Variants in PTPRS observed in about 807,000 individuals in gnomAD.
The protein encoded by PTPRS is receptor-type tyrosine-protein phosphatase S.
A neutral mutation model predicts 215.3 loss-of-function variants in PTPRS; 63 were observed. The ratio of observed to expected loss-of-function variants is 0.29; its 90% CI spans 0.24 to 0.36. The LOEUF (loss-of-function observed/expected upper bound fraction) is 0.36. PTPRS is among the 10% of genes least tolerant of loss of function. The pLI is 1.00. For missense variants in PTPRS, 2,258 were observed against 2,825.8 expected (o/e 0.80, Z 4.56); for synonymous variants, 1,404 against 1,191.4 (o/e 1.18, Z -3.68).
chr19:5,286,038 C>T lies in PTPRS; in HGVS notation c.91+12G>A. On this transcript the variant is annotated intron_variant, in intron 2 of 37. Transcript: ENST00000262963. ...CACGCAGACCCCTGCACATCCCGTG[C>T]CGGCTTCTTACCTTCTGCTGCACAG... 2 of 1,610,538 alleles carry T rather than the reference C, an allele frequency of 1.2e-6. No individual in the cohort carries two copies. Among genetic ancestry groups the T allele is most frequent in the Non-Finnish European group, 8.5e-7 (1 of 1,177,192 alleles).
rs192609280 is a variant in PTPRS, at chr19:5,339,329, G to A, written c.-95+1335C>T. ...GATTTGAGGAAGGGTTGCAGAGGAA[G>A]GGGCGTTCTTGGAAGCTGCATATTT... On this transcript the variant is annotated intron_variant, in intron 1 of 37. Transcript: ENST00000262963. The surrounding 1 kb of genome is among the most constrained non-coding windows in gnomAD (Gnocchi z 4.2). Among the ~76,000 whole-genome samples the A allele has an allele frequency of 6.6e-6, 1 of 152,248 alleles. No individual in the cohort carries two copies. Among genetic ancestry groups the A allele is most frequent in the African/African-American group, 2.4e-5 (1 of 41,550 alleles).
intron 25 of PTPRS, among the ~76,000 whole-genome samples, chr19:5,218,135 C>T (rs1162027805): frequency 6.6e-6 from 1 of 151,782 alleles, no homozygotes; most frequent in African/African-American, 2.4e-5. Context: ...TTTGTGTTTT[C>T]TCCATTTTTT....
At chr19:5,280,815 G>A (rs2047786405) in intron 2 of PTPRS, among the ~76,000 whole-genome samples, 1 of 150,954 alleles carries the variant, frequency 6.6e-6, no homozygotes. Context: ...TTTTTGAGAT[G>A]GAGTCTCGCT....
At chr19:5,297,268 T>C (rs1375077427) in intron 1 of PTPRS, among the ~76,000 whole-genome samples, 1 of 152,204 alleles carries the variant, frequency 6.6e-6, no homozygotes, top group East Asian at 1.9e-4. Context: ...AAAATAACTT[T>C]TCTTCTAATT....
At chr19:5,315,674 C>T (rs2049854383) in intron 1 of PTPRS, among the ~76,000 whole-genome samples, 1 of 145,498 alleles carries the variant, frequency 6.9e-6, no homozygotes, top group Non-Finnish European at 1.5e-5. Flanking sequence ...TAGTTTTTTG[C>T]AGAGATGGCG....
At chr19:5,266,238 G>A (rs1045284371) in intron 4 of PTPRS, among the ~76,000 whole-genome samples, 5 of 150,616 alleles carry the variant, frequency 3.3e-5, no homozygotes, top group African/African-American at 4.9e-5. Flanking sequence ...TAGCCTGGGC[G>A]ACAGAGTGAG....
At chr19:5,241,731 G>A (rs1482908991) in intron 11 of PTPRS, among the ~76,000 whole-genome samples, 1 of 152,150 alleles carries the variant, frequency 6.6e-6, no homozygotes, top group African/African-American at 2.4e-5. Flanking sequence ...AAAGGAAAGG[G>A]TCAAACACTC....
Position 5,220,134 on chromosome 19 carries a change from C to A in PTPRS, c.3570G>T (p.Arg1190=), listed in dbSNP as rs745699641. The change falls in exon 22 of 38, where the codon CGG becomes CGT. Residue 1190 remains arginine, a synonymous_variant. Transcript: ENST00000262963. ...DLEELIQDIS[R]LQRRSLRHSR... is the part of the protein sequence containing the mutation. Reference sequence around the variant, plus strand: ...AGTGCCGCAGGCTGCGCCTCTGTAGCCGTGAGATGTCCTGGATGAGCTGCG... The same window carrying A: ...AGTGCCGCAGGCTGCGCCTCTGTAGACGTGAGATGTCCTGGATGAGCTGCG... The A allele has an allele frequency of 5.0e-6, 8 of 1,612,278 alleles. No individual in the cohort carries two copies.
At chr19:5,309,955 C>G (rs1043261806) in intron 1 of PTPRS, among the ~76,000 whole-genome samples, 1 of 152,206 alleles carries the variant, frequency 6.6e-6, no homozygotes, top group Non-Finnish European at 1.5e-5. Flanking sequence ...TGCCCATAGC[C>G]CTCCCTGGCT....
chr19:5,331,661 G>A (rs182908517), intron 1 of PTPRS, among the ~76,000 whole-genome samples: 123 of 152,186 alleles, frequency 8.1e-4, no homozygotes, highest in African/African-American at 1.8e-3. Context: ...TACACTCAAC[G>A]AGTAATACTG....
chr19:5,212,497 G>C lies in PTPRS; in HGVS notation c.4615-6C>G. 6.3e-7 allele frequency: 1 copy of C among 1,582,124 alleles called. No individual in the cohort carries two copies. The highest frequency in any genetic ancestry group is 8.6e-7 in the Non-Finnish European group (1 of 1,162,696). ...CGTTTCTCACTGGAGCCATTCTGGG[G>C]ACCACAAGGATGTCACCTGTCACTC... On this transcript the variant is annotated splice_region_variant and splice_polypyrimidine_tract_variant and intron_variant, in intron 30 of 37. Transcript: ENST00000262963.
chr19:5,300,947 A>G (rs959840729), intron 1 of PTPRS, among the ~76,000 whole-genome samples: 2 of 152,224 alleles, frequency 1.3e-5, no homozygotes, highest in Admixed American at 6.5e-5. Context: ...CTGCAGCCAC[A>G]GTACCCTGGC....
chr19:5,315,830 T>C (rs987844775), intron 1 of PTPRS, among the ~76,000 whole-genome samples: 1 of 150,592 alleles, frequency 6.6e-6, no homozygotes, highest in Non-Finnish European at 1.5e-5. Context: ...GGGGTCTTGC[T>C]ATGCTGCCCT....
intron 4 of PTPRS, among the ~76,000 whole-genome samples, chr19:5,269,618 G>C (rs796686961): frequency 1.1e-4 from 17 of 152,180 alleles, no homozygotes; most frequent in African/African-American, 4.1e-4. Context: ...GGCAGCCGGA[G>C]AGGAGAGAGA....
rs1412506120 is a variant in PTPRS at position 5,221,321 on chromosome 19, G to C, written c.3202-68C>G. ...CCCATGGACTGAGCCCCAGCTCCAG[G>C]ATGAGTCCCCCACCCTGACTGAGCC... On this transcript the variant is annotated intron_variant, in intron 19 of 37. Transcript: ENST00000262963. 2.6e-6 allele frequency: 4 copies of C among 1,548,862 alleles called. No homozygotes were observed. In the African/African-American group the frequency reaches 4.1e-5, roughly 16 times the overall value.
At chr19:5,317,934 T>G (rs1037664661) in intron 1 of PTPRS, among the ~76,000 whole-genome samples, 1 of 152,086 alleles carries the variant, frequency 6.6e-6, no homozygotes, top group African/African-American at 2.4e-5. Context: ...CACGTTGGGA[T>G]GCCGAGGCGG....
rs771818768 is a variant in PTPRS, at chr19:5,240,287, G to A, written c.1616C>T (p.Thr539Ile). The change falls in exon 12 of 38, where the codon ACC becomes ATC. Residue 539 changes from threonine (T) to isoleucine (I), a missense_variant. By Grantham distance (89) the Thr-to-Ile change is moderately conservative. Coordinates refer to ENST00000262963, the MANE Select transcript of PTPRS (RefSeq NM_002850.4). The part of the protein sequence containing the change: ...MNLRAEARSE[T>I]SITLSWSPPR... ...GGGGCTCCAGGACAGCGTGATGCTG[G>A]TCTCCGACCTGGCCTCGGCCCGCAG... is the stretch of plus-strand genomic sequence containing the variant. The A allele has an allele frequency of 3.7e-6, 6 of 1,601,730 alleles. No homozygotes were observed. Among genetic ancestry groups the A allele is most frequent in the Non-Finnish European group, 5.1e-6 (6 of 1,175,574 alleles).
At chr19:5,290,690 T>C (rs2048742192) in intron 1 of PTPRS, among the ~76,000 whole-genome samples, 1 of 151,944 alleles carries the variant, frequency 6.6e-6, no homozygotes, top group Non-Finnish European at 1.5e-5. Context: ...GGCCTAGTCC[T>C]AACCCTCAGG....
At chr19:5,209,043 A>G (rs372521227) in intron 35 of PTPRS, among the ~76,000 whole-genome samples, 4 of 151,982 alleles carry the variant, frequency 2.6e-5, no homozygotes, top group South Asian at 4.2e-4. Context: ...CCACCATCCA[A>G]TAACAGTGCC....
Sources: gnomAD v4.1 joint callset for allele counts (sites outside exome capture counted in the v4.1 genomes callset) on GRCh38, gnomAD v4.1.1 for gene constraint, Gnocchi (gnomAD v3.1) non-coding constraint, MANE v1.5 for transcripts, NCBI Gene and HGNC (gene_info 2026-07-23, HGNC 2026-07-21) for gene names.